UNC13B: variants seen among roughly 807,000 people sequenced by gnomAD.
The protein encoded by UNC13B is unc-13 homolog B, also known as protein unc-13 homolog B.
Under a neutral mutation model 211.0 loss-of-function variants are expected in UNC13B, and 144 were observed. That is an observed-to-expected ratio of 0.68 (90% CI 0.60 to 0.78). The LOEUF (loss-of-function observed/expected upper bound fraction) is 0.78. UNC13B is among the 30% of genes least tolerant of loss of function. The probability of loss-of-function intolerance (pLI) is 0.00; values close to 1 mark genes in which losing one functional copy is unlikely to be tolerated. For synonymous variants in UNC13B, 709 were observed against 725.8 expected (o/e 0.98, Z 0.37); for missense variants, 1,777 against 2,002.0 (o/e 0.89, Z 2.14).
chr9:35,236,435 A>C (rs778338016), intron 3 of UNC13B, 34 bp from the exon 4 acceptor site: 8 of 1,549,038 alleles, frequency 5.2e-6, no homozygotes, highest in Non-Finnish European at 7.1e-6. Context: ...CATATTGTCT[A>C]GCTTTCCTCA....
At position 35,333,180 on chromosome 9, in the gene UNC13B, A is replaced by G. The variant is rs181152397; in HGVS notation, c.9414+19191A>G. 3.8e-4 allele frequency among the ~76,000 whole-genome samples: 58 copies of G among 152,370 alleles called. 1 individual carries two copies. Among genetic ancestry groups the G allele is most frequent in the Admixed American group, 2.7e-3 (41 of 15,302 alleles). On this transcript the variant is annotated intron_variant, in intron 11 of 39. Coordinates refer to ENST00000635942, the MANE Select transcript of UNC13B (RefSeq NM_001371189.2). ...GCTAAATGAAAAATAGCATTAAAAT[A>G]CAGAGTAGAGAAAATGTCTGACTTT...
intron 1 of UNC13B, among the ~76,000 whole-genome samples, chr9:35,165,082 C>A (rs1454162503): frequency 6.6e-6 from 1 of 152,074 alleles, no homozygotes; most frequent in African/African-American, 2.4e-5. Flanking sequence ...ATGTAGGAAC[C>A]GAACCATTTG....
At chr9:35,343,624 AG>A (rs1172818426) in intron 11 of UNC13B, among the ~76,000 whole-genome samples, 3 of 152,186 alleles carry the variant, frequency 2.0e-5, no homozygotes, top group Non-Finnish European at 4.4e-5. Context: ...CAAAGTGAGC[AG>A]GTGAAAAGAT....
intron 11 of UNC13B, chr9:35,352,113 G>T: frequency 1.6e-6 from 2 of 1,232,208 alleles, no homozygotes; most frequent in Non-Finnish European, 2.0e-6. Flanking sequence ...GTGAGCACCT[G>T]TTCCCTGGCC....
chr9:35,254,544 C>T lies in UNC13B; in HGVS notation c.469-4449C>T, dbSNP rs368520235. On this transcript the variant is annotated intron_variant, in intron 6 of 39. Transcript: ENST00000635942. ...TGGTGGGGGCAGGGGTGGTGGGATA[C>T]AAACATTCAGACTATAGCAGAGGGG... Among the ~76,000 whole-genome samples the T allele has an allele frequency of 8.5e-5, 13 of 152,240 alleles. No homozygotes were observed. In the East Asian group the frequency reaches 9.7e-4, roughly 11 times the overall value.
chr9:35,198,649 T>A (rs774426238), intron 1 of UNC13B, among the ~76,000 whole-genome samples: 2 of 151,916 alleles, frequency 1.3e-5, no homozygotes, highest in Non-Finnish European at 2.9e-5. Context: ...CAGAAGAAGA[T>A]AGAAGGATGA....
chr9:35,206,532 A>G (rs1162055237), intron 1 of UNC13B, among the ~76,000 whole-genome samples: 2 of 152,070 alleles, frequency 1.3e-5, no homozygotes, highest in East Asian at 1.9e-4. Flanking sequence ...GTTCATCCAT[A>G]TGGTGGTTTG....
At chr9:35,351,387 A>C (rs1832710131) in intron 11 of UNC13B, 1 of 1,228,900 alleles carries the variant, frequency 8.1e-7, no homozygotes, top group African/African-American at 1.6e-5. Context: ...GCTAAGCCCA[A>C]AGCATCAGCC....
At chr9:35,198,155 C>T (rs113046203) in intron 1 of UNC13B, among the ~76,000 whole-genome samples, 6 of 152,286 alleles carry the variant, frequency 3.9e-5, no homozygotes, top group African/African-American at 1.4e-4. Context: ...TACCAAATCT[C>T]ACGTCGAATT....
At chr9:35,380,975 G>GTCCTTGGGTTGGCCCCTTCTTT (rs574253207) in intron 18 of UNC13B, 125 bp from the exon 19 acceptor site, 2 of 854,836 alleles carry the variant, frequency 2.3e-6, no homozygotes, top group Non-Finnish European at 1.8e-6. Flanking sequence ...TATTTGGTGA[G>GTCCTTGGGTTGGCCCCTTCTTT]TCCTTGGGTT....
chr9:35,387,213 G>T (rs1437243854), intron 24 of UNC13B, among the ~76,000 whole-genome samples: 2 of 152,188 alleles, frequency 1.3e-5, no homozygotes, highest in African/African-American at 4.8e-5. Flanking sequence ...ACCAGGAAAA[G>T]CTACATAAAA....
chr9:35,170,436 G>GA (rs1431607515), intron 1 of UNC13B, among the ~76,000 whole-genome samples: 4 of 152,012 alleles, frequency 2.6e-5, no homozygotes, highest in Non-Finnish European at 5.9e-5. Context: ...AAAGTGTTGG[G>GA]ATTACAGATG....
intron 1 of UNC13B, among the ~76,000 whole-genome samples, chr9:35,176,489 A>G (rs1821643686): frequency 6.6e-6 from 1 of 151,922 alleles, no homozygotes; most frequent in Non-Finnish European, 1.5e-5. Context: ...CAGAGATTGC[A>G]GTGAGCTGAA....
intron 11 of UNC13B, chr9:35,351,997 G>T: frequency 8.1e-7 from 1 of 1,232,228 alleles, no homozygotes; most frequent in South Asian, 4.1e-5. Flanking sequence ...GCCGTCTTCA[G>T]ACTGAGATTG....
rs1836574730 is a variant in UNC13B, at chr9:35,404,820, A to C, written c.*787A>C. On this transcript the variant is annotated 3_prime_UTR_variant, in exon 40 of 40. Coordinates refer to ENST00000635942, the MANE Select transcript of UNC13B (RefSeq NM_001371189.2). ...GGCTGTTCTAACATGTGTCTACCTG[A>C]GGGCTAGTTGAAGGATCCAGGAGTA... The C allele has an allele frequency of 6.6e-6, 1 of 152,524 alleles. No homozygotes were observed. Among genetic ancestry groups the C allele is most frequent in the Admixed American group, 6.5e-5 (1 of 15,280 alleles). 9.4% of individuals were successfully genotyped at this position (152,524 alleles called of 1,614,324 possible). A position where few individuals can be genotyped will look rare whatever the true frequency, so the allele number is the denominator to read the frequency against.
intron 1 of UNC13B, among the ~76,000 whole-genome samples, chr9:35,172,616 T>C (rs1821392862): frequency 6.6e-6 from 1 of 152,228 alleles, no homozygotes; most frequent in African/African-American, 2.4e-5. Flanking sequence ...GGTTAAAATG[T>C]TGTGTTCACC....
At chr9:35,402,150 G>A in intron 37 of UNC13B, 1 of 715,158 alleles carries the variant, frequency 1.4e-6, no homozygotes, top group South Asian at 1.8e-5. Context: ...GATGGGTAAT[G>A]CCTTCATATA....
chr9:35,386,082 G>C, intron 23 of UNC13B, 83 bp from the exon 24 acceptor site: 1 of 1,579,224 alleles, frequency 6.3e-7, no homozygotes, highest in Non-Finnish European at 8.6e-7. Context: ...AAAGAATCTA[G>C]AGTAGGTTTG....
Position 35,228,016 on chromosome 9 carries a change from T to G in UNC13B, c.24T>G (p.Val8=). The change falls in exon 2 of 40, where the codon GTT becomes GTG. Residue 8 remains valine, a splice_region_variant and synonymous_variant. Transcript: ENST00000635942. ...GGTATCCTCTTTTTTCTCTTGCAGT[T>G]AAAAGGGCCAAATTCCAGGGTTCAC... MSLLCVR[V]KRAKFQGSPD... is the part of the protein sequence containing the mutation. 1 of 1,612,352 alleles carries G rather than the reference T, an allele frequency of 6.2e-7. No homozygotes were observed.
Sources: gnomAD v4.1 joint callset for allele counts (sites outside exome capture counted in the v4.1 genomes callset) on GRCh38, gnomAD v4.1.1 for gene constraint, MANE v1.5 for transcripts, NCBI Gene and HGNC (gene_info 2026-07-23, HGNC 2026-07-21) for gene names.